Variants in KCNJ6 observed in about 807,000 individuals in gnomAD.
The protein encoded by KCNJ6 is G protein-activated inward rectifier potassium channel 2.
A neutral mutation model predicts 34.2 loss-of-function variants in KCNJ6; 9 were observed. The ratio of observed to expected loss-of-function variants is 0.26; its 90% CI spans 0.16 to 0.46. The LOEUF (loss-of-function observed/expected upper bound fraction) is 0.46. KCNJ6 is among the 20% of genes least tolerant of loss of function. The pLI, the probability that KCNJ6 is intolerant of heterozygous loss-of-function variation, is 1.00. For missense variants in KCNJ6, 236 were observed against 531.3 expected, an observed-to-expected ratio of 0.44 and a Z score of 5.46; for synonymous variants, 196 against 207.1, an observed-to-expected ratio of 0.95 and a Z score of 0.46.
chr21:37,780,200 C>G (rs191173537), intron 2 of KCNJ6, among the ~76,000 whole-genome samples: 277 of 152,254 alleles, frequency 1.8e-3, no homozygotes, highest in African/African-American at 5.9e-3. Flanking sequence ...GTGAAAGAAG[C>G]TAGCCAGTCT....
At chr21:37,636,772 G>A (rs2054359818) in intron 3 of KCNJ6, among the ~76,000 whole-genome samples, 1 of 152,208 alleles carries the variant, frequency 6.6e-6, no homozygotes, top group African/African-American at 2.4e-5. Context: ...ACAAATTATG[G>A]TGGGAGAAGT....
rs1179408356 is a variant in KCNJ6 at position 37,797,483 on chromosome 21, C to A, written c.25+43175G>T. On this transcript the variant is annotated intron_variant, in intron 2 of 3. Coordinates refer to ENST00000609713, the MANE Select transcript of KCNJ6 (RefSeq NM_002240.5). ...CTGGAGTGAAGGGAATGACAGAATA[C>A]CAAGTTTTAGAGTCTATCTTTATAC... is the stretch of plus-strand genomic sequence containing the variant. Among the ~76,000 whole-genome samples the A allele has an allele frequency of 3.3e-5, 5 of 152,256 alleles. No homozygotes were observed. The East Asian group carries it at 9.6e-4, about 29-fold the overall frequency.
intron 3 of KCNJ6, among the ~76,000 whole-genome samples, chr21:37,639,105 A>G (rs1314294853): frequency 6.6e-6 from 1 of 152,250 alleles, no homozygotes; most frequent in Non-Finnish European, 1.5e-5. Context: ...TGCACTTGAA[A>G]GCCAATCAGA....
Position 37,650,082 on chromosome 21 carries a change from C to T in KCNJ6, c.947-24598G>A, listed in dbSNP as rs544240699. ...CTGGCCTAATTCCAGCATTTAAAAA[C>T]AATCTGTCCAGTGTGTCTGCATTCT... On this transcript the variant is annotated intron_variant, in intron 3 of 3. Transcript: ENST00000609713. Among the ~76,000 whole-genome samples the T allele has an allele frequency of 1.4e-4, 22 of 152,270 alleles. 1 individual carries two copies. In the South Asian group the frequency reaches 4.6e-3, roughly 32 times the overall value.
intron 3 of KCNJ6, among the ~76,000 whole-genome samples, chr21:37,687,477 A>G (rs1348972388): frequency 1.3e-5 from 2 of 152,160 alleles, no homozygotes; most frequent in South Asian, 2.1e-4. Flanking sequence ...CTGTCCTTCA[A>G]TGCAGACCTG....
At chr21:37,904,518 T>C (rs1328484370) in intron 1 of KCNJ6, among the ~76,000 whole-genome samples, 1 of 152,214 alleles carries the variant, frequency 6.6e-6, no homozygotes, top group Non-Finnish European at 1.5e-5. Context: ...AGAAGTTCTA[T>C]ACTGACCCAC....
In KCNJ6 at chr21:37,819,612, T is replaced by C. The variant is rs537533749; in HGVS notation, c.25+21046A>G. Reference sequence around the variant, plus strand: ...ACCAGGCAGAAGTAACCTTTGTTTTTCAGATTATAGATTAGCCTCCTTCTT... The same window carrying C: ...ACCAGGCAGAAGTAACCTTTGTTTTCCAGATTATAGATTAGCCTCCTTCTT... On this transcript the variant is annotated intron_variant, in intron 2 of 3. Transcript: ENST00000609713. Among the ~76,000 whole-genome samples the C allele has an allele frequency of 2.0e-5, 3 of 152,292 alleles. No individual in the cohort carries two copies. In the East Asian group the frequency reaches 5.8e-4, roughly 29 times the overall value.
chr21:37,621,063 GTA>G lies in KCNJ6; in HGVS notation c.*4094_*4095del, dbSNP rs2054288437. ...GTAATATCAATGAATCATCTATTATGTATATGTTACCTATGTTTTTCAATGTT... is the reference window on the plus strand; with the variant it reads ...GTAATATCAATGAATCATCTATTATGTATGTTACCTATGTTTTTCAATGTT... On this transcript the variant is annotated 3_prime_UTR_variant, in exon 4 of 4. Transcript: ENST00000609713. 6.6e-6 allele frequency: 1 copy of G among 152,158 alleles called. No individual in the cohort carries two copies. Among genetic ancestry groups the G allele is most frequent in the South Asian group, 2.1e-4 (1 of 4,824 alleles). 9.4% of individuals were successfully genotyped at this position (152,158 alleles called of 1,614,324 possible).
chr21:37,762,349 C>T (rs938742809), intron 2 of KCNJ6, among the ~76,000 whole-genome samples: 4 of 152,202 alleles, frequency 2.6e-5, no homozygotes, highest in East Asian at 1.9e-4. Flanking sequence ...ATCTAAGTTA[C>T]AGCCCTTTAG....
intron 1 of KCNJ6, among the ~76,000 whole-genome samples, chr21:37,885,394 C>A (rs994045730): frequency 8.5e-5 from 13 of 152,280 alleles, no homozygotes; most frequent in Middle Eastern, 3.4e-3. Context: ...GGGACACACA[C>A]CTGCTCCCAA....
At chr21:37,682,576 G>T (rs1448583829) in intron 3 of KCNJ6, among the ~76,000 whole-genome samples, 1 of 152,040 alleles carries the variant, frequency 6.6e-6, no homozygotes, top group Non-Finnish European at 1.5e-5. Context: ...AAGGGCAATT[G>T]TCATTGGATT....
intron 3 of KCNJ6, among the ~76,000 whole-genome samples, chr21:37,701,776 G>A (rs1180306199): frequency 6.6e-6 from 1 of 152,178 alleles, no homozygotes; most frequent in African/African-American, 2.4e-5. Context: ...AAACCCATGT[G>A]GCTGCAACAT....
chr21:37,862,771 G>C (rs1568876280), intron 1 of KCNJ6, among the ~76,000 whole-genome samples: 1 of 152,188 alleles, frequency 6.6e-6, no homozygotes, highest in Non-Finnish European at 1.5e-5. Flanking sequence ...AGAATTTTGA[G>C]CTGCTAAGTC....
At chr21:37,761,194 G>A (rs1328582808) in intron 2 of KCNJ6, among the ~76,000 whole-genome samples, 2 of 148,992 alleles carry the variant, frequency 1.3e-5, no homozygotes, top group African/African-American at 5.1e-5. Flanking sequence ...TGTGTGCGAT[G>A]TGTGTGTATG....
At chr21:37,860,744 A>G (rs1415190252) in intron 1 of KCNJ6, among the ~76,000 whole-genome samples, 1 of 152,122 alleles carries the variant, frequency 6.6e-6, no homozygotes, top group Non-Finnish European at 1.5e-5. Flanking sequence ...CATATCATCC[A>G]GGTCATGGTT....
intron 2 of KCNJ6, among the ~76,000 whole-genome samples, chr21:37,731,405 C>CA (rs1324585420): frequency 6.6e-6 from 1 of 152,102 alleles, no homozygotes; most frequent in African/African-American, 2.4e-5. Flanking sequence ...TGGTGTCTTA[C>CA]AAAATCATAA....
intron 2 of KCNJ6, among the ~76,000 whole-genome samples, chr21:37,810,459 G>A (rs2055317120): frequency 6.6e-6 from 1 of 152,262 alleles, no homozygotes; most frequent in Non-Finnish European, 1.5e-5. Context: ...TTGCCAAGCT[G>A]CTCTCCAAAA....
At chr21:37,763,332 G>A (rs563829428) in intron 2 of KCNJ6, among the ~76,000 whole-genome samples, 4 of 152,270 alleles carry the variant, frequency 2.6e-5, no homozygotes, top group African/African-American at 7.2e-5. Context: ...GTCTTCTCGT[G>A]GTAAGGAGGT....
chr21:37,745,072 G>GT (rs58661633), intron 2 of KCNJ6, among the ~76,000 whole-genome samples: 9 of 89,458 alleles, frequency 1.0e-4, no homozygotes, highest in Non-Finnish European at 1.5e-4. Context: ...AACGTTGCTG[G>GT]TTTTTTTTTT....
Sources: gnomAD v4.1 joint callset for allele counts (sites outside exome capture counted in the v4.1 genomes callset) on GRCh38, gnomAD v4.1.1 for gene constraint, MANE v1.5 for transcripts, NCBI Gene and HGNC (gene_info 2026-07-23, HGNC 2026-07-21) for gene names.